Variants in PRELID2 observed in about 807,000 individuals in gnomAD.
The protein encoded by PRELID2 is PRELI domain-containing protein 2.
PRELID2 carries 25 observed loss-of-function variants against 28.4 expected under a neutral mutation model. That is an observed-to-expected ratio of 0.88 (90% CI 0.64 to 1.23). The LOEUF (loss-of-function observed/expected upper bound fraction) is 1.23, where lower values mean the gene tolerates loss of function less well. PRELID2 is among the 50% of genes most tolerant of loss of function. The pLI, the probability that PRELID2 is intolerant of heterozygous loss-of-function variation, is 0.00. For synonymous variants in PRELID2, 76 were observed against 71.6 expected (o/e 1.06, Z -0.31); for missense variants, 201 against 214.4 (o/e 0.94, Z 0.39).
chr5:145,561,338 A>G (rs999936264), intron 1 of PRELID2, among the ~76,000 whole-genome samples: 1 of 152,046 alleles, frequency 6.6e-6, no homozygotes, highest in Admixed American at 6.6e-5. Flanking sequence ...GTATTGGTGC[A>G]TGCCATCTTG....
At chr5:145,530,472 G>A (rs1311667840) in intron 1 of PRELID2, among the ~76,000 whole-genome samples, 1 of 151,992 alleles carries the variant, frequency 6.6e-6, no homozygotes, top group African/African-American at 2.4e-5. Flanking sequence ...TAGAAAATAA[G>A]TCAAGAGGAG....
chr5:145,647,759 C>A (rs1194804387), intron 1 of PRELID2, among the ~76,000 whole-genome samples: 1 of 152,176 alleles, frequency 6.6e-6, no homozygotes, highest in African/African-American at 2.4e-5. Context: ...TTCTCAGGCT[C>A]AGTCCCTCAT....
intron 1 of PRELID2, among the ~76,000 whole-genome samples, chr5:145,623,452 A>C (rs1209663081): frequency 6.6e-6 from 1 of 151,442 alleles, no homozygotes; most frequent in African/African-American, 2.4e-5. Context: ...CTTCTCAAAA[A>C]AAAATAAATA....
chr5:145,350,969 A>T, the PRELID2 span, among the ~76,000 whole-genome samples: 1 of 152,190 alleles, frequency 6.6e-6, no homozygotes, highest in African/African-American at 2.4e-5. Context: ...GCAGGCAGTT[A>T]TTGAGCACTT....
chr5:145,654,597 C>T (rs548256720), intron 1 of PRELID2, among the ~76,000 whole-genome samples: 45 of 152,296 alleles, frequency 3.0e-4, no homozygotes, highest in Admixed American at 8.5e-4. Flanking sequence ...GTTCAACATA[C>T]GCAAATCAAT....
chr5:145,277,063 G>A, the PRELID2 span, among the ~76,000 whole-genome samples: 34 of 152,138 alleles, frequency 2.2e-4, no homozygotes, highest in African/African-American at 8.2e-4. Context: ...AATCCCTGAA[G>A]ACTGTGGTTT....
At chr5:145,276,951 G>A in the PRELID2 span, among the ~76,000 whole-genome samples, 1 of 152,122 alleles carries the variant, frequency 6.6e-6, no homozygotes, top group African/African-American at 2.4e-5. Context: ...ATTCAAGGCA[G>A]CACAGTGGTG....
chr5:145,430,760 C>A, the PRELID2 span, among the ~76,000 whole-genome samples: 1 of 152,142 alleles, frequency 6.6e-6, no homozygotes, highest in South Asian at 2.1e-4. Flanking sequence ...ACAGGGCCCC[C>A]ATGCTTAAAA....
intron 1 of PRELID2, among the ~76,000 whole-genome samples, chr5:145,707,646 C>A (rs1185047045): frequency 6.6e-6 from 1 of 152,128 alleles, no homozygotes; most frequent in Non-Finnish European, 1.5e-5. Context: ...ACCAAGTCCA[C>A]TACCAGCTGA....
intron 1 of PRELID2, among the ~76,000 whole-genome samples, chr5:145,493,340 T>A (rs1752284184): frequency 6.6e-6 from 1 of 152,136 alleles, no homozygotes; most frequent in Non-Finnish European, 1.5e-5. Flanking sequence ...CCTTCCTTTA[T>A]CTCCAAAGTC....
In PRELID2 at chr5:145,522,396, GAC is replaced by G. The variant is rs111725998; in HGVS notation, n.71-49083_71-49082del. Among the ~76,000 whole-genome samples, 372 of 150,080 alleles carry G rather than the reference GAC, an allele frequency of 2.5e-3. 1 individual carries two copies. Among genetic ancestry groups the G allele is most frequent in the African/African-American group, 7.7e-3 (316 of 40,962 alleles). On this transcript the variant is annotated intron_variant and non_coding_transcript_variant, in intron 1 of 2. Transcript: ENST00000510259. The stretch of plus-strand genomic sequence containing the variant: ...CTGTGTATCTATCTATAGATACAGA[GAC>G]ACACACACACACACACACGAGAGAG...
At chr5:145,442,115 G>T in the PRELID2 span, among the ~76,000 whole-genome samples, 1 of 151,972 alleles carries the variant, frequency 6.6e-6, no homozygotes, top group African/African-American at 2.4e-5. Flanking sequence ...ATATCCCAAA[G>T]ACTTCATATA....
chr5:145,259,293 A>T, the PRELID2 span, among the ~76,000 whole-genome samples: 1 of 152,168 alleles, frequency 6.6e-6, no homozygotes, highest in African/African-American at 2.4e-5. Context: ...TAGTGGAGCT[A>T]TGAGAAGAAG....
At chr5:145,373,350 A>C in the PRELID2 span, among the ~76,000 whole-genome samples, 2,544 of 94,908 alleles carry the variant, frequency 0.027, 218 homozygotes, top group African/African-American at 0.1. Flanking sequence ...ATTACAACAT[A>C]TATAATATAT....
chr5:145,334,272 A>G, the PRELID2 span, among the ~76,000 whole-genome samples: 3 of 152,226 alleles, frequency 2.0e-5, no homozygotes, highest in African/African-American at 7.2e-5. Context: ...AGGCTTACAT[A>G]AAACATATTG....
At chr5:145,617,758 A>T (rs1581005933) in intron 1 of PRELID2, among the ~76,000 whole-genome samples, 2 of 144,140 alleles carry the variant, frequency 1.4e-5, no homozygotes, top group Non-Finnish European at 1.5e-5. Context: ...ATTGAGACAG[A>T]GTTTTGCTCT....
chr5:145,693,429 T>G (rs2149697221), intron 1 of PRELID2, among the ~76,000 whole-genome samples: 1 of 151,942 alleles, frequency 6.6e-6, no homozygotes, highest in East Asian at 1.9e-4. Flanking sequence ...ATTGCAAGCA[T>G]GAGCCACTGC....
chr5:145,317,983 G>C, the PRELID2 span, among the ~76,000 whole-genome samples: 1 of 152,064 alleles, frequency 6.6e-6, no homozygotes, highest in Non-Finnish European at 1.5e-5. Flanking sequence ...ACTCCATTAG[G>C]TGTCAGGTAC....
At chr5:145,456,179 A>G in the PRELID2 span, among the ~76,000 whole-genome samples, 1 of 152,190 alleles carries the variant, frequency 6.6e-6, no homozygotes, top group Non-Finnish European at 1.5e-5. Flanking sequence ...CAACTATGTA[A>G]CTAGGCATAC....
Sources: allele counts gnomAD v4.1 joint callset (sites outside exome capture counted in the v4.1 genomes callset), GRCh38; gene constraint gnomAD v4.1.1; transcripts MANE v1.5; gene names NCBI Gene and HGNC (gene_info 2026-07-23, HGNC 2026-07-21).